The following ZNF385C variants were observed in gnomAD, a reference collection of about 807,000 sequenced individuals.
ZNF385C encodes CTD-2132N18.2.
ZNF385C carries 28 observed loss-of-function variants against 35.4 expected under a neutral mutation model. That is an observed-to-expected ratio of 0.79 (90% CI 0.59 to 1.08). The LOEUF (loss-of-function observed/expected upper bound fraction) is 1.08. Among genes scored for constraint, ZNF385C ranks in the 50% least tolerant of loss-of-function variants. The pLI is 0.00. For synonymous variants in ZNF385C, 248 were observed against 248.2 expected, an observed-to-expected ratio of 1.00 and a Z score of 0.01; for missense variants, 605 against 595.6, an observed-to-expected ratio of 1.02 and a Z score of -0.16.
chr17:42,071,650 C>A (rs2053625481), intron 1 of ZNF385C, among the ~76,000 whole-genome samples: 1 of 152,200 alleles, frequency 6.6e-6, no homozygotes, highest in South Asian at 2.1e-4. Context: ...TGCTGCCAGG[C>A]AAAGCCCAGG....
At chr17:42,083,994 CA>C (rs1361576025) in intron 1 of ZNF385C, among the ~76,000 whole-genome samples, 2 of 152,036 alleles carry the variant, frequency 1.3e-5, no homozygotes, top group African/African-American at 4.8e-5. Context: ...GCCAGGATGG[CA>C]GGCGTGAGCC....
intron 1 of ZNF385C, among the ~76,000 whole-genome samples, chr17:42,079,603 C>T (rs2053726949): frequency 6.6e-6 from 1 of 151,664 alleles, no homozygotes; most frequent in African/African-American, 2.4e-5. Context: ...GAGTTGAAGA[C>T]CACAGTGAGC....
chr17:42,090,444 G>A (rs1202660330), intron 1 of ZNF385C, among the ~76,000 whole-genome samples: 2 of 151,352 alleles, frequency 1.3e-5, no homozygotes, highest in African/African-American at 2.4e-5. Context: ...GCGCCATCAC[G>A]CACTAATTTT....
chr17:42,054,613 G>A (rs1377715209), intron 2 of ZNF385C, among the ~76,000 whole-genome samples: 8 of 142,378 alleles, frequency 5.6e-5, no homozygotes, highest in East Asian at 4.1e-4. Flanking sequence ...GCAGTGTTTC[G>A]CCCTGTCACC....
chr17:42,027,275 C>G (rs1170864524), intron 8 of ZNF385C, 142 bp from the exon 9 acceptor site: 5 of 753,994 alleles, frequency 6.6e-6, no homozygotes, highest in Admixed American at 2.5e-5. Flanking sequence ...CTTCCCACCC[C>G]CAAACATTCA....
chr17:42,085,755 G>A (rs1026043931), intron 1 of ZNF385C, among the ~76,000 whole-genome samples: 2 of 151,880 alleles, frequency 1.3e-5, no homozygotes, highest in Non-Finnish European at 2.9e-5. Flanking sequence ...CTGTCTCTGC[G>A]CCTGGCTAAT....
chr17:42,072,839 G>A (rs1284444104), intron 1 of ZNF385C, among the ~76,000 whole-genome samples: 3 of 152,176 alleles, frequency 2.0e-5, no homozygotes, highest in Non-Finnish European at 4.4e-5. Context: ...CTGCGCGCAC[G>A]GGTGAGTATC....
intron 2 of ZNF385C, among the ~76,000 whole-genome samples, chr17:42,055,121 C>T (rs1436783366): frequency 1.3e-5 from 2 of 152,168 alleles, no homozygotes; most frequent in Non-Finnish European, 2.9e-5. Flanking sequence ...CCCTCAGCAT[C>T]CTGTCTCCAC....
rs2052734558 is a variant in ZNF385C, at chr17:42,031,744, C to G, written c.551G>C (p.Arg184Thr). ...GGCAGCCTCGACAGCCTTGAGTTTT[C>G]TGGCGTGTTTGTGGCCTTTATAATG... ...EAHYKGHKHA[R>T]KLKAVEAAKS... The change falls in exon 5 of 9, where the codon AGA (arginine) becomes ACA (threonine). Residue 184 changes from arginine to threonine, a missense_variant. Coordinates refer to ENST00000692273, the MANE Select transcript of ZNF385C (RefSeq NM_001392013.1). 1 of 1,550,910 alleles carries G rather than the reference C, an allele frequency of 6.4e-7. No homozygotes were observed. The highest frequency in any genetic ancestry group is 8.7e-7 in the Non-Finnish European group (1 of 1,147,082).
At chr17:42,030,007 GACAGAGCCAGACC>G (rs2052691158) in intron 5 of ZNF385C, among the ~76,000 whole-genome samples, 1 of 151,546 alleles carries the variant, frequency 6.6e-6, no homozygotes, top group Non-Finnish European at 1.5e-5. Flanking sequence ...CAGCCTGGGT[GACAGAGCCAGACC>G]CTGTCTCAAA....
intron 2 of ZNF385C, chr17:42,042,769 G>T: frequency 8.5e-7 from 1 of 1,182,860 alleles, no homozygotes; most frequent in Non-Finnish European, 1.1e-6. Flanking sequence ...TGCTGGGGCT[G>T]TTCCCAGGTG....
chr17:42,070,343 CA>C (rs1555658696), intron 1 of ZNF385C, among the ~76,000 whole-genome samples: 1 of 152,094 alleles, frequency 6.6e-6, no homozygotes. Flanking sequence ...GACTCCATCT[CA>C]AAAAAGTAAA....
At chr17:42,051,789 A>G (rs993896279) in intron 2 of ZNF385C, among the ~76,000 whole-genome samples, 2 of 152,150 alleles carry the variant, frequency 1.3e-5, no homozygotes, top group Admixed American at 1.3e-4. Flanking sequence ...CAGCCCCACC[A>G]GTGGCTGCTG....
chr17:42,032,192 C>G (rs1368585333), intron 4 of ZNF385C, among the ~76,000 whole-genome samples: 1 of 152,160 alleles, frequency 6.6e-6, no homozygotes, highest in Non-Finnish European at 1.5e-5. Context: ...TCCGGGGTAG[C>G]TGGGACTACA....
intron 2 of ZNF385C, among the ~76,000 whole-genome samples, chr17:42,053,103 A>G (rs1200100565): frequency 1.3e-5 from 2 of 152,174 alleles, no homozygotes; most frequent in African/African-American, 2.4e-5. Flanking sequence ...AGAGCCCCCA[A>G]GCCACTTCTG....
chr17:42,052,892 G>A (rs1195193612), intron 2 of ZNF385C, among the ~76,000 whole-genome samples: 1 of 152,116 alleles, frequency 6.6e-6, no homozygotes, highest in Non-Finnish European at 1.5e-5. Flanking sequence ...CAGACAATAG[G>A]GTCCTCCCAG....
At position 42,026,852 on chromosome 17, in the gene ZNF385C, C is replaced by G; in HGVS notation, c.*45G>C. On this transcript the variant is annotated 3_prime_UTR_variant, in exon 9 of 9. Transcript: ENST00000692273. The stretch of plus-strand genomic sequence containing the variant: ...CAAGGTGTCTCAGGACAGGAGGAGA[C>G]AAGGAGTGGCTATTGGGAAATCAGC... 6.5e-7 allele frequency: 1 copy of G among 1,535,340 alleles called. No homozygotes were observed. Among genetic ancestry groups the G allele is most frequent in the Admixed American group, 2.0e-5 (1 of 51,250 alleles).
chr17:42,068,363 A>C (rs2053577565), intron 1 of ZNF385C, among the ~76,000 whole-genome samples: 1 of 152,126 alleles, frequency 6.6e-6, no homozygotes, highest in African/African-American at 2.4e-5. Context: ...ACTTGCTTCA[A>C]AGCAAATGGA....
Position 42,026,877 on chromosome 17 carries a change from C to T in ZNF385C, c.*20G>A, listed in dbSNP as rs1555654230. 3 of 1,568,048 alleles carry T rather than the reference C, an allele frequency of 1.9e-6. No homozygotes were observed. In the East Asian group the frequency reaches 7.1e-5, roughly 37 times the overall value. ...CAAGGAGTGGCTATTGGGAAATCAG[C>T]TCTGGCCTCCCCATGAGGGCTAATA... On this transcript the variant is annotated 3_prime_UTR_variant, in exon 9 of 9. Coordinates refer to ENST00000692273, the MANE Select transcript of ZNF385C (RefSeq NM_001392013.1).
Sources: gnomAD v4.1 joint callset for allele counts (sites outside exome capture counted in the v4.1 genomes callset) on GRCh38, gnomAD v4.1.1 for gene constraint, MANE v1.5 for transcripts, NCBI Gene and HGNC (gene_info 2026-07-23, HGNC 2026-07-21) for gene names.